LRRC4C: variants seen among roughly 807,000 people sequenced by gnomAD.
LRRC4C encodes the protein leucine-rich repeat-containing protein 4C.
LRRC4C carries 5 observed loss-of-function variants against 33.6 expected under a neutral mutation model. The ratio of observed to expected loss-of-function variants is 0.15; its 90% CI spans 0.08 to 0.31. LRRC4C has a LOEUF of 0.31. Among genes scored for constraint, LRRC4C ranks in the 10% least tolerant of loss-of-function variants. The pLI is 1.00. For missense variants in LRRC4C, 560 were observed against 796.7 expected (o/e 0.70, Z 3.58); for synonymous variants, 329 against 302.0 (o/e 1.09, Z -0.93).
intron 1 of LRRC4C, among the ~76,000 whole-genome samples, chr11:41,293,893 G>A (rs930849788): frequency 5.9e-5 from 9 of 151,838 alleles, no homozygotes; most frequent in African/African-American, 1.7e-4. Flanking sequence ...CACCTCGCCC[G>A]GCCAATGTTA....
At chr11:41,350,466 C>A (rs767032447) in intron 1 of LRRC4C, among the ~76,000 whole-genome samples, 2 of 144,492 alleles carry the variant, frequency 1.4e-5, no homozygotes, top group South Asian at 4.3e-4. Context: ...GTCAAGATTG[C>A]GCCACTGCAC....
intron 1 of LRRC4C, among the ~76,000 whole-genome samples, chr11:41,308,086 G>C (rs944610189): frequency 4.1e-4 from 62 of 152,160 alleles, no homozygotes; most frequent in African/African-American, 1.4e-3. Flanking sequence ...CCACAACATA[G>C]AACCTTGAAT....
intron 1 of LRRC4C, among the ~76,000 whole-genome samples, chr11:41,133,513 C>A (rs1029687742): frequency 6.9e-6 from 1 of 144,010 alleles, no homozygotes; most frequent in African/African-American, 2.7e-5. Context: ...GAATAGATAC[C>A]CTCTTGGCCA....
At chr11:40,649,978 G>A (rs1053004229) in intron 2 of LRRC4C, among the ~76,000 whole-genome samples, 17 of 152,182 alleles carry the variant, frequency 1.1e-4, no homozygotes, top group African/African-American at 3.9e-4. Flanking sequence ...TTAGTCAGAT[G>A]ATGGGGAAGA....
chr11:40,142,063 A>G (rs1251241228), intron 5 of LRRC4C, among the ~76,000 whole-genome samples: 5 of 152,036 alleles, frequency 3.3e-5, no homozygotes, highest in African/African-American at 1.2e-4. Flanking sequence ...TGGGTGGATC[A>G]CCTGATGTCA....
At chr11:41,290,561 G>A (rs554612903) in intron 1 of LRRC4C, among the ~76,000 whole-genome samples, 1 of 152,226 alleles carries the variant, frequency 6.6e-6, no homozygotes, top group Admixed American at 6.5e-5. Context: ...ATCAAGATGT[G>A]TTCCAAGTTC....
chr11:40,803,598 T>C (rs1034199508), intron 2 of LRRC4C, among the ~76,000 whole-genome samples: 1 of 152,064 alleles, frequency 6.6e-6, no homozygotes, highest in Non-Finnish European at 1.5e-5. Context: ...TAATATTTAA[T>C]TTTTAATTAA....
intron 4 of LRRC4C, among the ~76,000 whole-genome samples, chr11:40,312,814 G>A (rs184595563): frequency 9.2e-5 from 14 of 152,212 alleles, no homozygotes; most frequent in Admixed American, 3.3e-4. Flanking sequence ...AGCTTAACCC[G>A]AAAGACATTT....
intron 3 of LRRC4C, among the ~76,000 whole-genome samples, chr11:40,596,110 A>G (rs1959261954): frequency 6.6e-6 from 1 of 152,166 alleles, no homozygotes; most frequent in Non-Finnish European, 1.5e-5. Flanking sequence ...TCTCAGAATT[A>G]CAGATGAAAA....
At chr11:40,694,841 C>T (rs1268337453) in intron 2 of LRRC4C, among the ~76,000 whole-genome samples, 2 of 152,130 alleles carry the variant, frequency 1.3e-5, no homozygotes, top group African/African-American at 2.4e-5. Context: ...TGAAGTTCAT[C>T]CACATAACTC....
intron 1 of LRRC4C, among the ~76,000 whole-genome samples, chr11:40,977,307 G>A (rs1316347125): frequency 6.6e-6 from 1 of 152,092 alleles, no homozygotes; most frequent in Non-Finnish European, 1.5e-5. Flanking sequence ...TAACCAGGGT[G>A]GCACTTGATT....
chr11:40,934,902 T>G, intron 1 of LRRC4C, among the ~76,000 whole-genome samples: 1 of 152,142 alleles, frequency 6.6e-6, no homozygotes, highest in South Asian at 2.1e-4. Flanking sequence ...ACCACCAATT[T>G]TCTCTTCCTG....
chr11:40,999,094 A>T (rs1423495456), intron 1 of LRRC4C, among the ~76,000 whole-genome samples: 1 of 152,146 alleles, frequency 6.6e-6, no homozygotes, highest in Non-Finnish European at 1.5e-5. Context: ...ATCGATGAAC[A>T]CACAGAACAT....
rs1958614295 is a variant in LRRC4C at position 40,584,357 on chromosome 11, T to C, written c.-270+63785A>G. Among the ~76,000 whole-genome samples the C allele has an allele frequency of 2.6e-5, 4 of 151,570 alleles. No individual in the cohort carries two copies. In the South Asian group the frequency reaches 8.4e-4, roughly 32 times the overall value. On this transcript the variant is annotated intron_variant, in intron 3 of 6. Coordinates refer to ENST00000528697, the MANE Select transcript of LRRC4C (RefSeq NM_001258419.2). ...ATGTCTTCAGACATTACTAAATAGT[T>C]TTTGGAGAGAAAATTTGCCCCAAAT...
chr11:40,312,860 C>T (rs1945381607), intron 4 of LRRC4C, among the ~76,000 whole-genome samples: 1 of 151,120 alleles, frequency 6.6e-6, no homozygotes, highest in African/African-American at 2.5e-5. Context: ...GATTGGACAG[C>T]AGTTACATGA....
At chr11:40,760,240 A>G (rs1459269199) in intron 2 of LRRC4C, among the ~76,000 whole-genome samples, 1 of 152,118 alleles carries the variant, frequency 6.6e-6, no homozygotes, top group African/African-American at 2.4e-5. Context: ...GAGTAATTTT[A>G]TGAAATTCAG....
At chr11:40,925,954 C>T (rs886222804) in intron 2 of LRRC4C, among the ~76,000 whole-genome samples, 6 of 151,890 alleles carry the variant, frequency 4.0e-5, no homozygotes, top group Non-Finnish European at 5.9e-5. Flanking sequence ...AATGTTGTTT[C>T]TGCTTTCCTT....
chr11:40,240,259 T>C (rs1468184083), intron 5 of LRRC4C, among the ~76,000 whole-genome samples: 1 of 152,222 alleles, frequency 6.6e-6, no homozygotes, highest in Non-Finnish European at 1.5e-5. Flanking sequence ...AATGTATACC[T>C]TTCATTCACA....
intron 1 of LRRC4C, among the ~76,000 whole-genome samples, chr11:41,352,462 A>G (rs1475044918): frequency 6.6e-6 from 1 of 152,138 alleles, no homozygotes; most frequent in East Asian, 1.9e-4. Context: ...CAGATCATCA[A>G]TGGAAAGACT....
Sources: gnomAD v4.1 joint callset for allele counts (sites outside exome capture counted in the v4.1 genomes callset) on GRCh38, gnomAD v4.1.1 for gene constraint, MANE v1.5 for transcripts, NCBI Gene and HGNC (gene_info 2026-07-23, HGNC 2026-07-21) for gene names.